THEMIS: variants seen among roughly 807,000 people sequenced by gnomAD.
The protein encoded by THEMIS is protein THEMIS.
THEMIS carries 37 observed loss-of-function variants against 52.6 expected under a neutral mutation model. That is an observed-to-expected ratio of 0.70 (90% CI 0.54 to 0.93). The LOEUF (loss-of-function observed/expected upper bound fraction) is 0.93. Ranked by LOEUF, THEMIS falls within the 40% of genes least tolerant of loss-of-function variation. The pLI is 0.00. For synonymous variants in THEMIS, 292 were observed against 272.7 expected (o/e 1.07, Z -0.70); for missense variants, 808 against 763.1 (o/e 1.06, Z -0.69).
intron 4 of THEMIS, among the ~76,000 whole-genome samples, chr6:127,780,723 C>A (rs142052544): frequency 6.6e-6 from 1 of 152,216 alleles, no homozygotes; most frequent in African/African-American, 2.4e-5. Flanking sequence ...GAATATTGGC[C>A]CCTACTCTCT....
At chr6:127,787,902 T>TAGATAGAC (rs1181195270) in intron 4 of THEMIS, among the ~76,000 whole-genome samples, 9 of 151,334 alleles carry the variant, frequency 5.9e-5, no homozygotes, top group Middle Eastern at 3.4e-3. Flanking sequence ...GATAGATAGA[T>TAGATAGAC]AGATAGATAG....
chr6:127,899,814 TC>T (rs1781081466), intron 1 of THEMIS, among the ~76,000 whole-genome samples: 1 of 150,700 alleles, frequency 6.6e-6, no homozygotes, highest in South Asian at 2.1e-4. Flanking sequence ...ATTCCAAAAA[TC>T]AACTTACAAA....
intron 1 of THEMIS, among the ~76,000 whole-genome samples, chr6:127,859,667 T>C (rs1266673586): frequency 1.3e-5 from 2 of 152,150 alleles, no homozygotes; most frequent in Non-Finnish European, 2.9e-5. Flanking sequence ...TGATATCAAA[T>C]ATACAAGTGA....
Position 127,791,494 on chromosome 6 carries a change from G to A in THEMIS, c.1758+21389C>T, listed in dbSNP as rs574753377. ...GAGGGGAGAAAGTAGGTGCTGATCG[G>A]CCCGTGAGCAGTCATGGGAGGCCCC... On this transcript the variant is annotated intron_variant, in intron 4 of 5. Coordinates refer to ENST00000368248, the MANE Select transcript of THEMIS (RefSeq NM_001010923.3). Among the ~76,000 whole-genome samples the A allele has an allele frequency of 3.9e-5, 6 of 152,284 alleles. No individual in the cohort carries two copies. The East Asian group carries it at 1.2e-3, about 30-fold the overall frequency.
At chr6:127,783,024 C>G (rs1335577192) in intron 4 of THEMIS, among the ~76,000 whole-genome samples, 2 of 152,144 alleles carry the variant, frequency 1.3e-5, no homozygotes, top group Non-Finnish European at 2.9e-5. Flanking sequence ...CAGCATGGTA[C>G]TAGGACCAAA....
At chr6:127,732,006 AT>A (rs60832949) in intron 4 of THEMIS, among the ~76,000 whole-genome samples, 304 of 142,082 alleles carry the variant, frequency 2.1e-3, no homozygotes, top group East Asian at 3.7e-3. Flanking sequence ...TTGCCTGGCC[AT>A]TTTTTTTTTT....
chr6:127,814,068 G>T (rs1406792154), intron 3 of THEMIS, 137 bp from the exon 4 acceptor site: 3 of 764,892 alleles, frequency 3.9e-6, no homozygotes, highest in Non-Finnish European at 5.8e-6. Flanking sequence ...TTTCTTATGT[G>T]TGATTTTCCT....
intron 2 of THEMIS, among the ~76,000 whole-genome samples, chr6:127,836,513 T>C (rs1778878445): frequency 6.6e-6 from 1 of 152,180 alleles, no homozygotes; most frequent in Non-Finnish European, 1.5e-5. Flanking sequence ...TAAAAATCAG[T>C]TTACATTAAA....
At chr6:127,769,269 A>T (rs566728434) in intron 4 of THEMIS, among the ~76,000 whole-genome samples, 1 of 152,078 alleles carries the variant, frequency 6.6e-6, no homozygotes, top group South Asian at 2.1e-4. Flanking sequence ...ACATTGTTCT[A>T]GTCAGTCATT....
intron 1 of THEMIS, among the ~76,000 whole-genome samples, chr6:127,912,790 T>A (rs1373105735): frequency 6.6e-6 from 1 of 152,216 alleles, no homozygotes; most frequent in East Asian, 1.9e-4. Context: ...AAATCTATAA[T>A]CTTCCTGAAA....
At chr6:127,752,275 C>T (rs1206152944) in intron 4 of THEMIS, among the ~76,000 whole-genome samples, 1 of 150,118 alleles carries the variant, frequency 6.7e-6, no homozygotes, top group African/African-American at 2.4e-5. Context: ...ATAAGACAAG[C>T]CCAAAGTTAA....
intron 4 of THEMIS, among the ~76,000 whole-genome samples, chr6:127,769,352 G>GTTTTTTTTTTTTTTTT (rs200806423): frequency 7.1e-6 from 1 of 139,988 alleles, no homozygotes; most frequent in Non-Finnish European, 1.6e-5. Context: ...GTTTTTTTTT[G>GTTTTTTTTTTTTTTTT]TTTTTTTTTT....
chr6:127,916,762 A>G (rs1781535872), intron 1 of THEMIS, among the ~76,000 whole-genome samples: 1 of 152,220 alleles, frequency 6.6e-6, no homozygotes, highest in Middle Eastern at 3.2e-3. Context: ...CTTTTTGCTT[A>G]AGCCAGAGTC....
chr6:127,816,483 A>G (rs1029192575), intron 3 of THEMIS, among the ~76,000 whole-genome samples: 1 of 152,122 alleles, frequency 6.6e-6, no homozygotes, highest in Admixed American at 6.6e-5. Context: ...CCTAAGCTAT[A>G]TGCTGTCTTC....
rs1774413836 is a variant in THEMIS at position 127,722,949 on chromosome 6, A to AT, written c.1759-3127dup. 2.0e-5 allele frequency among the ~76,000 whole-genome samples: 3 copies of AT among 151,984 alleles called. No homozygotes were observed. In the East Asian group the frequency reaches 5.8e-4, roughly 30 times the overall value. On this transcript the variant is annotated intron_variant, in intron 4 of 5. Coordinates refer to ENST00000368248, the MANE Select transcript of THEMIS (RefSeq NM_001010923.3). Reference sequence around the variant, plus strand: ...TCTCCTTACTACAAATGAACTTCTCATTTTTTCTACCTCATGCTTTCAGTC... The same window carrying AT: ...TCTCCTTACTACAAATGAACTTCTCATTTTTTTCTACCTCATGCTTTCAGTC...
chr6:127,899,903 T>TTATATATA (rs111727278), intron 1 of THEMIS, among the ~76,000 whole-genome samples: 84 of 144,534 alleles, frequency 5.8e-4, no homozygotes, highest in African/African-American at 2.0e-3. Context: ...TGTGTATATT[T>TTATATATA]TATATATATA....
intron 3 of THEMIS, among the ~76,000 whole-genome samples, chr6:127,824,298 T>A (rs1404598933): frequency 1.3e-5 from 2 of 152,046 alleles, no homozygotes; most frequent in African/African-American, 4.8e-5. Flanking sequence ...AGTGGTGAGA[T>A]CTTTAGCTCT....
chr6:127,886,156 C>G (rs950686993), intron 1 of THEMIS, among the ~76,000 whole-genome samples: 1 of 152,108 alleles, frequency 6.6e-6, no homozygotes, highest in East Asian at 1.9e-4. Flanking sequence ...CACCATTCAC[C>G]CAGACATTTC....
chr6:127,826,645 CTCTT>C (rs1045557211), intron 3 of THEMIS, among the ~76,000 whole-genome samples: 9 of 152,196 alleles, frequency 5.9e-5, no homozygotes, highest in South Asian at 2.1e-4. Flanking sequence ...CAAGACCTCT[CTCTT>C]TCAGAGGCAA....
Sources: allele counts gnomAD v4.1 joint callset (sites outside exome capture counted in the v4.1 genomes callset), GRCh38; gene constraint gnomAD v4.1.1; transcripts MANE v1.5; gene names NCBI Gene and HGNC (gene_info 2026-07-23, HGNC 2026-07-21).